Variants in DNAH3 observed in about 807,000 individuals in gnomAD.
DNAH3 encodes the protein axonemal beta dynein heavy chain 3.
A neutral mutation model predicts 432.5 loss-of-function variants in DNAH3; 332 were observed. The observed-to-expected ratio is 0.77, with a 90% CI of 0.70 to 0.84. The LOEUF is 0.84. Among genes scored for constraint, DNAH3 ranks in the 40% least tolerant of loss-of-function variants. The pLI is 0.00. For missense variants in DNAH3, 4,861 were observed against 5,114.0 expected, an observed-to-expected ratio of 0.95 and a Z score of 1.51; for synonymous variants, 1,956 against 1,900.2, an observed-to-expected ratio of 1.03 and a Z score of -0.76.
rs538331172 is a variant in DNAH3, at chr16:21,087,071, A to C, written c.2666-11T>G. On this transcript the variant is annotated splice_polypyrimidine_tract_variant and intron_variant, in intron 18 of 61. Transcript: ENST00000261383. ...GTAAGAAGAGGGGTCCTGAAATAGAAGAGTGAGGGAAAGGTCAGACCATCA... is the reference window on the plus strand; with the variant it reads ...GTAAGAAGAGGGGTCCTGAAATAGACGAGTGAGGGAAAGGTCAGACCATCA... 3 of 1,608,456 alleles carry C rather than the reference A, an allele frequency of 1.9e-6. No homozygotes were observed. The highest frequency in any genetic ancestry group is 2.6e-6 in the Non-Finnish European group (3 of 1,175,414).
chr16:20,964,572 G>T, exon 53 of DNAH3: 1 of 1,614,176 alleles, frequency 6.2e-7, no homozygotes, highest in Non-Finnish European at 8.5e-7. Flanking sequence ...CAGAGAACTT[G>T]ATGACAGCCA....
At chr16:21,067,209 T>C (rs1280575021) in intron 24 of DNAH3, 74 bp downstream of exon 24, 1 of 1,561,178 alleles carries the variant, frequency 6.4e-7, no homozygotes, top group African/African-American at 1.4e-5. Flanking sequence ...AGCCAACTCT[T>C]GGCATGAAAA....
chr16:20,970,111 T>A, intron 51 of DNAH3, 121 bp from the exon 52 acceptor site: 1 of 913,134 alleles, frequency 1.1e-6, no homozygotes, highest in Non-Finnish European at 1.7e-6. Flanking sequence ...AGATACCCTT[T>A]AACATGGTGC....
chr16:21,057,995 G>A (rs2090194515), intron 27 of DNAH3, 91 bp downstream of exon 27: 1 of 825,502 alleles, frequency 1.2e-6, no homozygotes, highest in African/African-American at 1.7e-5. Flanking sequence ...TTTTTGTTTA[G>A]ACAACAAAAC....
intron 41 of DNAH3, among the ~76,000 whole-genome samples, chr16:21,008,541 G>A (rs932533169): frequency 1.3e-5 from 2 of 152,066 alleles, no homozygotes; most frequent in African/African-American, 2.4e-5. Context: ...ATGTCCCCAC[G>A]CAGCATAGGG....
rs138704338 is a variant in DNAH3, at chr16:20,997,157, C to G, written c.6601+126G>C. On this transcript the variant is annotated intron_variant, in intron 44 of 61. Transcript: ENST00000261383. ...TGAAGCCTGTAGCCTACACATGCTT[C>G]TGCTCCATGCTCCTGCCACGTGGTT... 7.8e-4 allele frequency: 650 copies of G among 835,884 alleles called. 4 individuals are homozygous for G. In the African/African-American group the frequency reaches 0.01, roughly 13 times the overall value. 51.8% of individuals were successfully genotyped at this position (835,884 alleles called of 1,614,324 possible).
chr16:21,006,358 G>A (rs1433278650), intron 41 of DNAH3, among the ~76,000 whole-genome samples: 1 of 152,092 alleles, frequency 6.6e-6, no homozygotes, highest in African/African-American at 2.4e-5. Context: ...TTACTGAAAT[G>A]TAATTTACAT....
intron 48 of DNAH3, among the ~76,000 whole-genome samples, chr16:20,984,029 G>GAAAAAAAAAAAAAAAAAAAA (rs61475224): frequency 5.3e-5 from 6 of 112,150 alleles, no homozygotes; most frequent in African/African-American, 2.1e-4. Flanking sequence ...CCTATATCCA[G>GAAAAAAAAAAAAAAAAAAAA]AAAAAAAAAA....
chr16:20,972,173 T>C (rs979244944), intron 51 of DNAH3, among the ~76,000 whole-genome samples: 6 of 152,134 alleles, frequency 3.9e-5, no homozygotes, highest in African/African-American at 1.2e-4. Context: ...GGTTGCCCGA[T>C]GTTTTCCAAA....
intron 42 of DNAH3, among the ~76,000 whole-genome samples, chr16:21,000,862 C>T (rs1597106845): frequency 6.6e-6 from 1 of 152,194 alleles, no homozygotes; most frequent in Non-Finnish European, 1.5e-5. Flanking sequence ...TGAATACCAG[C>T]TTGTCTGATT....
intron 18 of DNAH3, among the ~76,000 whole-genome samples, chr16:21,094,488 T>C (rs2091623886): frequency 6.6e-6 from 1 of 152,046 alleles, no homozygotes; most frequent in East Asian, 1.9e-4. Context: ...CTGGCCAACA[T>C]GGTGAAACCC....
At chr16:20,974,243 G>C (rs910397859) in intron 51 of DNAH3, among the ~76,000 whole-genome samples, 5 of 151,656 alleles carry the variant, frequency 3.3e-5, no homozygotes, top group African/African-American at 1.2e-4. Flanking sequence ...GGCTGGTCTT[G>C]AACTTGGCTG....
exon 14 of DNAH3, chr16:21,111,782 C>T (rs763248461): frequency 1.7e-5 from 28 of 1,613,540 alleles, no homozygotes; most frequent in African/African-American, 6.7e-5. Context: ...TTCATTTCTC[C>T]GTTTCTTTAT....
chr16:20,980,628 T>TC (rs1290851165), intron 49 of DNAH3, among the ~76,000 whole-genome samples: 1 of 151,874 alleles, frequency 6.6e-6, no homozygotes, highest in Non-Finnish European at 1.5e-5. Context: ...CCTCAAGTGA[T>TC]CCACCAGCCT....
chr16:20,954,743 C>A, intron 55 of DNAH3, 70 bp downstream of exon 55: 1 of 1,544,436 alleles, frequency 6.5e-7, no homozygotes, highest in Non-Finnish European at 8.8e-7. Context: ...TAAACACGCA[C>A]CTGGAAACAC....
chr16:21,081,851 G>C, intron 19 of DNAH3, 124 bp from the exon 20 acceptor site: 1 of 672,216 alleles, frequency 1.5e-6, no homozygotes, highest in Non-Finnish European at 2.4e-6. Flanking sequence ...CGAGTGGCAG[G>C]TGGCTGTTGA....
At chr16:21,111,550 T>A (rs1456072962) in intron 14 of DNAH3, 76 bp downstream of exon 14, 5 of 1,408,714 alleles carry the variant, frequency 3.5e-6, no homozygotes, top group Non-Finnish European at 4.9e-6. Flanking sequence ...TGCTGGAAGG[T>A]GCAAGTTCTG....
chr16:21,125,075 C>A, intron 9 of DNAH3, 100 bp downstream of exon 10: 11 of 941,406 alleles, frequency 1.2e-5, no homozygotes, highest in Non-Finnish European at 1.7e-5. Context: ...TCACTTTGTG[C>A]CCTGGCTCAC....
intron 26 of DNAH3, 61 bp downstream of exon 26, chr16:21,060,203 C>G: frequency 7.3e-7 from 1 of 1,367,878 alleles, no homozygotes; most frequent in Non-Finnish European, 1.0e-6. Flanking sequence ...CATGAACCTT[C>G]TCCCCAATGT....
Sources: allele counts gnomAD v4.1 joint callset (sites outside exome capture counted in the v4.1 genomes callset), GRCh38; gene constraint gnomAD v4.1.1; transcripts MANE v1.5; gene names NCBI Gene and HGNC (gene_info 2026-07-23, HGNC 2026-07-21).